The following N4BP1 variants were observed in gnomAD, a reference collection of about 807,000 sequenced individuals.
N4BP1 encodes the protein NEDD4-binding protein 1.
A neutral mutation model predicts 70.9 loss-of-function variants in N4BP1; 21 were observed. The observed-to-expected ratio is 0.30, with a 90% CI of 0.21 to 0.43. The LOEUF is 0.43. Ranked by LOEUF, N4BP1 falls within the 20% of genes least tolerant of loss-of-function variation. The pLI is 1.00. For synonymous variants in N4BP1, 387 were observed against 394.6 expected (o/e 0.98, Z 0.23); for missense variants, 936 against 1,069.4 (o/e 0.88, Z 1.74).
chr16:48,566,402 A>G (rs1238542669), intron 1 of N4BP1, among the ~76,000 whole-genome samples: 1 of 152,146 alleles, frequency 6.6e-6, no homozygotes, highest in African/African-American at 2.4e-5. Flanking sequence ...GCACCGCTTT[A>G]GTGGCATCCT....
Position 48,561,555 on chromosome 16 carries a change from A to G in N4BP1, c.1088T>C (p.Ile363Thr). The G allele has an allele frequency of 6.2e-7, 1 of 1,613,872 alleles. No homozygotes were observed. Among genetic ancestry groups the G allele is most frequent in the Non-Finnish European group, 8.5e-7 (1 of 1,179,866 alleles). Residue 363 changes from isoleucine (I) to threonine (T), a missense_variant, in exon 2 of 7, where the codon ATT (isoleucine) becomes ACT (threonine). Ile to Thr is a moderately conservative substitution (Grantham distance 89). Around this residue, in one of 4 missense-constraint regions of N4BP1, gnomAD observed 515 missense variants for 491.7 expected, o/e 1.05. Transcript: ENST00000262384. ...FFKTMGYSQE[I>T]VEKVIKVYGP... ...ATACACCTTAATGACCTTTTCAACAATTTCTTGGGAGTAGCCCATGGTTTT... is the reference window on the plus strand; with the variant it reads ...ATACACCTTAATGACCTTTTCAACAGTTTCTTGGGAGTAGCCCATGGTTTT...
At chr16:48,564,618 T>A (rs1963912721) in intron 1 of N4BP1, among the ~76,000 whole-genome samples, 1 of 152,224 alleles carries the variant, frequency 6.6e-6, no homozygotes, top group African/African-American at 2.4e-5. Flanking sequence ...TTATAATTTT[T>A]AAAATTGCTT....
In N4BP1 at chr16:48,594,567, C is replaced by A. The variant is rs553191012; in HGVS notation, c.198+15208G>T. Among the ~76,000 whole-genome samples, 4 of 151,982 alleles carry A rather than the reference C, an allele frequency of 2.6e-5. No individual in the cohort carries two copies. In the East Asian group the frequency reaches 7.7e-4, roughly 29 times the overall value. On this transcript the variant is annotated intron_variant, in intron 1 of 6. Transcript: ENST00000262384. ...GACGGGGTTTCACCATGTTGGCCAG[C>A]CTGGTCTTGAACTCCTGGCCTCAAG...
intron 1 of N4BP1, among the ~76,000 whole-genome samples, chr16:48,567,435 A>C (rs1196182769): frequency 2.0e-5 from 3 of 152,146 alleles, no homozygotes; most frequent in Non-Finnish European, 2.9e-5. Flanking sequence ...CTTGTACCTC[A>C]GCCTCCTGAG....
chr16:48,545,133 T>G (rs1963570539), intron 6 of N4BP1, among the ~76,000 whole-genome samples: 1 of 151,884 alleles, frequency 6.6e-6, no homozygotes, highest in African/African-American at 2.4e-5. Flanking sequence ...CCCAGCTAAT[T>G]TTTGCATTTT....
At chr16:48,600,050 C>A (rs370218865) in intron 1 of N4BP1, 1 of 297,872 alleles carries the variant, frequency 3.4e-6, no homozygotes, top group Non-Finnish European at 6.2e-6. Flanking sequence ...GTAACAATTT[C>A]ATTTTCTTAA....
chr16:48,571,051 C>T (rs1964013836), intron 1 of N4BP1, among the ~76,000 whole-genome samples: 2 of 152,180 alleles, frequency 1.3e-5, no homozygotes, highest in African/African-American at 4.8e-5. Flanking sequence ...CTCGGCCTCC[C>T]AAAGTGCCGG....
intron 2 of N4BP1, among the ~76,000 whole-genome samples, chr16:48,557,534 T>C (rs921720824): frequency 2.6e-5 from 4 of 152,230 alleles, no homozygotes; most frequent in African/African-American, 9.6e-5. Flanking sequence ...TAATGGGTGA[T>C]TCGGCTTTAA....
intron 1 of N4BP1, chr16:48,577,573 G>A: frequency 4.8e-6 from 1 of 209,318 alleles, no homozygotes; most frequent in Non-Finnish European, 1.0e-5. Flanking sequence ...GGAGACTCTG[G>A]TGTGGGTCTT....
chr16:48,602,278 T>C (rs1964513584), intron 1 of N4BP1, among the ~76,000 whole-genome samples: 1 of 152,168 alleles, frequency 6.6e-6, no homozygotes, highest in African/African-American at 2.4e-5. Flanking sequence ...AAAACTGATG[T>C]TTAAAAAAGT....
intron 1 of N4BP1, among the ~76,000 whole-genome samples, chr16:48,602,257 CACA>C (rs1267595866): frequency 4.0e-5 from 6 of 149,848 alleles, no homozygotes; most frequent in Admixed American, 3.3e-4. Flanking sequence ...CAACAAAAAA[CACA>C]ACAACAAAAA....
At chr16:48,571,636 G>A (rs1448969140) in intron 1 of N4BP1, among the ~76,000 whole-genome samples, 2 of 152,086 alleles carry the variant, frequency 1.3e-5, no homozygotes, top group African/African-American at 2.4e-5. Context: ...GAAGGGAAAG[G>A]AAGGAAGAAA....
At chr16:48,571,560 A>C (rs903410189) in intron 1 of N4BP1, among the ~76,000 whole-genome samples, 1 of 152,206 alleles carries the variant, frequency 6.6e-6, no homozygotes, top group Non-Finnish European at 1.5e-5. Context: ...ACAAAATTTT[A>C]GTAAGTGGTT....
In N4BP1 at chr16:48,551,426, G is replaced by A; in HGVS notation, c.2077C>T (p.Arg693Trp). The A allele has an allele frequency of 6.2e-7, 1 of 1,613,464 alleles. No individual in the cohort carries two copies. Among genetic ancestry groups the A allele is most frequent in the South Asian group, 1.1e-5 (1 of 91,066 alleles). The change falls in exon 4 of 7, where the codon CGG (arginine) becomes TGG (tryptophan). Residue 693 changes from arginine (R) to tryptophan (W), a missense_variant. Physicochemically the swap from Arg to Trp is moderately radical, Grantham distance 101. Coordinates refer to ENST00000262384, the MANE Select transcript of N4BP1 (RefSeq NM_153029.4). ...ELGILSLTPA[R>W]MVFGERIASH... ...GCAATTCTTTCTCCAAAGACCATCCGGGCAGGAGTTAAAGATAATATTCCG... is the reference window on the plus strand; with the variant it reads ...GCAATTCTTTCTCCAAAGACCATCCAGGCAGGAGTTAAAGATAATATTCCG...
chr16:48,558,966 C>G lies in N4BP1; in HGVS notation c.1889+1788G>C, dbSNP rs887867350. Among the ~76,000 whole-genome samples, 4 of 152,174 alleles carry G rather than the reference C, an allele frequency of 2.6e-5. No homozygotes were observed. In the East Asian group the frequency reaches 7.7e-4, roughly 29 times the overall value. ...TTTTCTTTTTGACAGCAAAACACAG[C>G]TTCGATAATTCATTCAAATAATAAA... On this transcript the variant is annotated intron_variant, in intron 2 of 6. Coordinates refer to ENST00000262384, the MANE Select transcript of N4BP1 (RefSeq NM_153029.4).
rs535938408 is a variant in N4BP1 at position 48,557,837 on chromosome 16, G to C, written c.1889+2917C>G. Among the ~76,000 whole-genome samples the C allele has an allele frequency of 3.8e-4, 58 of 152,276 alleles. No homozygotes were observed. In the East Asian group the frequency reaches 0.011, roughly 29 times the overall value. On this transcript the variant is annotated intron_variant, in intron 2 of 6. Transcript: ENST00000262384. ...TACTGAGCTCCTACTATGTGTCAGG[G>C]ACTATGGGTATTAGAGGTAGTTCAC... is the stretch of plus-strand genomic sequence containing the variant.
chr16:48,553,500 A>C (rs780509562), intron 3 of N4BP1, 39 bp downstream of exon 3: 2 of 1,514,564 alleles, frequency 1.3e-6, no homozygotes, highest in Admixed American at 4.6e-5. Context: ...AACTCATTAA[A>C]CATTTCACTA....
intron 3 of N4BP1, among the ~76,000 whole-genome samples, chr16:48,551,726 CAAG>C (rs1963668947): frequency 1.3e-5 from 2 of 152,102 alleles, no homozygotes; most frequent in African/African-American, 4.8e-5. Flanking sequence ...ATTTGCTTCT[CAAG>C]AATAGTAGGC....
At chr16:48,551,620 C>G (rs1370899380) in intron 3 of N4BP1, 138 bp from the exon 4 acceptor site, 3 of 535,412 alleles carry the variant, frequency 5.6e-6, no homozygotes, top group Non-Finnish European at 9.8e-6. Flanking sequence ...TTTACTAACT[C>G]ACTAGGAATT....
Sources: gnomAD v4.1 joint callset for allele counts (sites outside exome capture counted in the v4.1 genomes callset) on GRCh38, gnomAD v4.1.1 for gene constraint, gnomAD v4.1.1 regional missense constraint, MANE v1.5 for transcripts, NCBI Gene and HGNC (gene_info 2026-07-23, HGNC 2026-07-21) for gene names.